PHF24: variants seen among roughly 807,000 people sequenced by gnomAD.
PHF24 encodes the protein PHD finger protein 24, also known as Galpha inhibitory interacting protein.
In PHF24, 25 loss-of-function variants were observed where a neutral mutation model predicts 42.6. That is an observed-to-expected ratio of 0.59 (90% CI 0.43 to 0.82). The LOEUF (loss-of-function observed/expected upper bound fraction) is 0.82. Ranked by LOEUF, PHF24 falls within the 40% of genes least tolerant of loss-of-function variation. PHF24 has a pLI of 0.00. For missense variants in PHF24, 470 were observed against 538.1 expected (o/e 0.87, Z 1.25); for synonymous variants, 185 against 204.8 (o/e 0.90, Z 0.83).
At chr9:34,681,853 A>T in the PHF24 span, among the ~76,000 whole-genome samples, 1 of 152,426 alleles carries the variant, frequency 6.6e-6, no homozygotes, top group East Asian at 1.9e-4. Flanking sequence ...TGAGGTCATA[A>T]TCCGATAGGA....
chr9:34,852,921 GGATA>G, the PHF24 span, among the ~76,000 whole-genome samples: 3 of 152,006 alleles, frequency 2.0e-5, no homozygotes, highest in Non-Finnish European at 2.9e-5. Context: ...CTCTGTACCT[GGATA>G]GTTACATATT....
chr9:34,750,958 A>G, the PHF24 span, among the ~76,000 whole-genome samples: 1 of 152,226 alleles, frequency 6.6e-6, no homozygotes, highest in Non-Finnish European at 1.5e-5. Context: ...CAATAAAAAA[A>G]CAAGACCCAG....
the PHF24 span, among the ~76,000 whole-genome samples, chr9:34,766,433 C>T: frequency 2.0e-5 from 3 of 152,308 alleles, no homozygotes; most frequent in African/African-American, 7.2e-5. Flanking sequence ...CTTCCCTTCT[C>T]GCTTCATTTC....
At chr9:34,818,556 T>A in the PHF24 span, among the ~76,000 whole-genome samples, 1 of 152,204 alleles carries the variant, frequency 6.6e-6, no homozygotes, top group Non-Finnish European at 1.5e-5. Flanking sequence ...TGTATTTTTT[T>A]ATATATTGTT....
the PHF24 span, chr9:34,665,879 G>A: frequency 3.4e-6 from 2 of 589,332 alleles, no homozygotes; most frequent in South Asian, 4.0e-5. Context: ...GGTCATCTCC[G>A]GGGCCTGGGG....
At chr9:34,899,575 C>T in the PHF24 span, among the ~76,000 whole-genome samples, 1 of 152,224 alleles carries the variant, frequency 6.6e-6, no homozygotes, top group African/African-American at 2.4e-5. Flanking sequence ...TCAGTGGCAA[C>T]ACTTTTATAG....
At chr9:34,802,631 A>G in the PHF24 span, among the ~76,000 whole-genome samples, 3 of 152,226 alleles carry the variant, frequency 2.0e-5, no homozygotes, top group Non-Finnish European at 4.4e-5. Flanking sequence ...TAATTTCTGG[A>G]TTAAATATGT....
At chr9:34,737,304 T>A in the PHF24 span, among the ~76,000 whole-genome samples, 1 of 152,218 alleles carries the variant, frequency 6.6e-6, no homozygotes, top group African/African-American at 2.4e-5. Flanking sequence ...TATGTGACCT[T>A]TTGCACCTGA....
chr9:34,721,665 C>T, the PHF24 span, among the ~76,000 whole-genome samples: 2 of 152,178 alleles, frequency 1.3e-5, no homozygotes, highest in African/African-American at 4.8e-5. Flanking sequence ...CCTGCCTCGG[C>T]CTCCCAAAGT....
the PHF24 span, among the ~76,000 whole-genome samples, chr9:34,673,303 G>A: frequency 1.3e-5 from 2 of 150,536 alleles, no homozygotes; most frequent in Non-Finnish European, 3.0e-5. Context: ...GCAGTGAGCC[G>A]AGATCGTGCC....
the PHF24 span, among the ~76,000 whole-genome samples, chr9:34,865,168 A>G: frequency 0.01 from 1,509 of 144,504 alleles, 23 homozygotes; most frequent in African/African-American, 0.026. Context: ...AAGCAGAGGG[A>G]CAAAGTTAAG....
At chr9:34,849,158 T>A in the PHF24 span, among the ~76,000 whole-genome samples, 1 of 152,154 alleles carries the variant, frequency 6.6e-6, no homozygotes, top group Admixed American at 6.5e-5. Context: ...GGTATCCTTG[T>A]TAACTTTCTG....
chr9:34,742,685 C>A, the PHF24 span, among the ~76,000 whole-genome samples: 1 of 152,136 alleles, frequency 6.6e-6, no homozygotes, highest in South Asian at 2.1e-4. Flanking sequence ...CTGCCTTGGC[C>A]TCCCAAAATG....
chr9:34,949,947 A>T, the PHF24 span, among the ~76,000 whole-genome samples: 1 of 152,104 alleles, frequency 6.6e-6, no homozygotes, highest in African/African-American at 2.4e-5. Context: ...GCAAACCTTC[A>T]TGGCACATGT....
chr9:34,690,207 C>T, the PHF24 span: 2 of 1,614,084 alleles, frequency 1.2e-6, no homozygotes, highest in East Asian at 4.5e-5. Flanking sequence ...CCCCACAACT[C>T]ACACTACAGC....
chr9:34,894,536 A>G, the PHF24 span: 1 of 398,468 alleles, frequency 2.5e-6, no homozygotes, highest in African/African-American at 2.1e-5. Context: ...GTTATGTGGA[A>G]CTGGAGAGGA....
the PHF24 span, among the ~76,000 whole-genome samples, chr9:34,896,260 C>T: frequency 1.3e-5 from 2 of 152,088 alleles, no homozygotes; most frequent in Middle Eastern, 3.2e-3. Context: ...TCTTGGAAAC[C>T]GATTTTTAAT....
At chr9:34,821,640 G>C in the PHF24 span, among the ~76,000 whole-genome samples, 1 of 152,224 alleles carries the variant, frequency 6.6e-6, no homozygotes, top group Non-Finnish European at 1.5e-5. Flanking sequence ...CCAAGTGCCT[G>C]TGTGTAGCTT....
chr9:34,810,064 C>T, the PHF24 span, among the ~76,000 whole-genome samples: 1 of 151,778 alleles, frequency 6.6e-6, no homozygotes, highest in Admixed American at 6.6e-5. Flanking sequence ...GCCAGCGCTG[C>T]ATGCTGTCCG....
Sources: allele counts gnomAD v4.1 joint callset (sites outside exome capture counted in the v4.1 genomes callset), GRCh38; gene constraint gnomAD v4.1.1; transcripts MANE v1.5; gene names NCBI Gene and HGNC (gene_info 2026-07-23, HGNC 2026-07-21).